The following WDR70 variants were observed in gnomAD, a reference collection of about 807,000 sequenced individuals.
The protein encoded by WDR70 is WD repeat domain 70.
In WDR70, 53 loss-of-function variants were observed where a neutral mutation model predicts 88.6. The observed-to-expected ratio is 0.60, with a 90% confidence interval of 0.48 to 0.75. The LOEUF is 0.75. Among genes scored for constraint, WDR70 ranks in the 30% least tolerant of loss-of-function variants. The pLI, the probability that WDR70 is intolerant of heterozygous loss-of-function variation, is 0.00. For synonymous variants in WDR70, 280 were observed against 270.0 expected, an observed-to-expected ratio of 1.04 and a Z score of -0.36; for missense variants, 610 against 823.2, an observed-to-expected ratio of 0.74 and a Z score of 3.17.
intron 9 of WDR70, among the ~76,000 whole-genome samples, chr5:37,541,666 G>A (rs1205168849): frequency 6.6e-6 from 1 of 152,120 alleles, no homozygotes; most frequent in Non-Finnish European, 1.5e-5. Flanking sequence ...AGGTGGGCAT[G>A]GAGAAAGTGG....
At chr5:37,489,323 TG>T (rs1739991582) in intron 8 of WDR70, among the ~76,000 whole-genome samples, 1 of 152,036 alleles carries the variant, frequency 6.6e-6, no homozygotes, top group South Asian at 2.1e-4. Flanking sequence ...GTTGAGTGGG[TG>T]GGTTGGGCCC....
intron 17 of WDR70, among the ~76,000 whole-genome samples, chr5:37,751,916 A>G (rs182250366): frequency 3.9e-5 from 6 of 152,336 alleles, no homozygotes; most frequent in Admixed American, 6.5e-5. Flanking sequence ...AATGCTTGGC[A>G]TTTCCATGCA....
chr5:37,739,117 A>G (rs899388963), intron 17 of WDR70, among the ~76,000 whole-genome samples: 6 of 152,236 alleles, frequency 3.9e-5, no homozygotes, highest in African/African-American at 1.4e-4. Context: ...GGAAAATGCA[A>G]GGTTCACATC....
At chr5:37,737,487 A>G (rs913852550) in intron 17 of WDR70, among the ~76,000 whole-genome samples, 7 of 152,198 alleles carry the variant, frequency 4.6e-5, no homozygotes, top group African/African-American at 1.7e-4. Flanking sequence ...GGAACACTGG[A>G]CTAAGAATCA....
chr5:37,503,926 C>T (rs1378475109), intron 8 of WDR70, among the ~76,000 whole-genome samples: 1 of 152,050 alleles, frequency 6.6e-6, no homozygotes, highest in African/African-American at 2.4e-5. Flanking sequence ...TCATAGTAAT[C>T]TCAAATGATC....
At chr5:37,512,663 C>T (rs1032170447) in intron 8 of WDR70, among the ~76,000 whole-genome samples, 3 of 151,430 alleles carry the variant, frequency 2.0e-5, no homozygotes, top group African/African-American at 7.3e-5. Flanking sequence ...CTCACTGCAG[C>T]CTCGACCTCT....
At chr5:37,463,103 C>T (rs1012024926) in intron 7 of WDR70, among the ~76,000 whole-genome samples, 1 of 152,048 alleles carries the variant, frequency 6.6e-6, no homozygotes, top group African/African-American at 2.4e-5. Flanking sequence ...GAAACCCCGT[C>T]TCTACTAAAA....
intron 10 of WDR70, among the ~76,000 whole-genome samples, chr5:37,669,524 TG>T (rs1283772672): frequency 6.6e-6 from 1 of 152,130 alleles, no homozygotes; most frequent in Non-Finnish European, 1.5e-5. Context: ...GCTATCCTCC[TG>T]GGCAATGAGT....
chr5:37,417,351 A>G (rs984100972), intron 5 of WDR70, among the ~76,000 whole-genome samples: 1 of 152,006 alleles, frequency 6.6e-6, no homozygotes, highest in South Asian at 2.1e-4. Context: ...CAGTCTCCCT[A>G]GTAGCTGGAA....
intron 8 of WDR70, among the ~76,000 whole-genome samples, chr5:37,500,565 C>T (rs1280996553): frequency 1.3e-5 from 2 of 152,066 alleles, no homozygotes; most frequent in African/African-American, 4.8e-5. Flanking sequence ...TATAAGTGTT[C>T]CCTTTTCACC....
At chr5:37,650,365 C>T (rs944744114) in intron 10 of WDR70, among the ~76,000 whole-genome samples, 13 of 151,882 alleles carry the variant, frequency 8.6e-5, no homozygotes, top group African/African-American at 2.7e-4. Flanking sequence ...CACGCTACTG[C>T]ACTCCAGCCT....
intron 8 of WDR70, among the ~76,000 whole-genome samples, chr5:37,510,331 T>G (rs1373142157): frequency 6.6e-6 from 1 of 152,188 alleles, no homozygotes; most frequent in Non-Finnish European, 1.5e-5. Flanking sequence ...CATATATATA[T>G]GCATATGCAT....
At chr5:37,608,040 T>C (rs1395228875) in intron 10 of WDR70, among the ~76,000 whole-genome samples, 15 of 37,274 alleles carry the variant, frequency 4.0e-4, no homozygotes, top group African/African-American at 1.1e-3. Context: ...GCAACACTCT[T>C]TTTTTTTTTT....
At chr5:37,680,118 G>A (rs1395650114) in intron 10 of WDR70, among the ~76,000 whole-genome samples, 2 of 150,598 alleles carry the variant, frequency 1.3e-5, no homozygotes, top group Admixed American at 1.3e-4. Flanking sequence ...ATCTCATTGT[G>A]GTTTTGATTT....
chr5:37,532,872 C>T (rs1447188156), intron 9 of WDR70, among the ~76,000 whole-genome samples: 1 of 151,926 alleles, frequency 6.6e-6, no homozygotes, highest in East Asian at 1.9e-4. Flanking sequence ...TTTTCTGGTT[C>T]CTTCTCATTT....
chr5:37,535,773 C>T (rs1741647578), intron 9 of WDR70, among the ~76,000 whole-genome samples: 1 of 152,112 alleles, frequency 6.6e-6, no homozygotes, highest in Non-Finnish European at 1.5e-5. Flanking sequence ...TTCTTCACAG[C>T]AGTCGGATAG....
intron 9 of WDR70, among the ~76,000 whole-genome samples, chr5:37,523,151 G>A (rs1456897258): frequency 3.9e-5 from 6 of 152,218 alleles, no homozygotes; most frequent in African/African-American, 1.4e-4. Context: ...CTAGCATGGA[G>A]TTTGAGATCT....
intron 10 of WDR70, among the ~76,000 whole-genome samples, chr5:37,655,218 G>C (rs1301335387): frequency 6.6e-6 from 1 of 152,152 alleles, no homozygotes; most frequent in Non-Finnish European, 1.5e-5. Context: ...TAGTTTGGCT[G>C]GTTATGAAAT....
At chr5:37,456,041 A>G (rs1475934175) in intron 7 of WDR70, among the ~76,000 whole-genome samples, 2 of 33,862 alleles carry the variant, frequency 5.9e-5, no homozygotes, top group East Asian at 0.036. Context: ...GGTATAAGGA[A>G]TAAAGCTTCT....
Sources: gnomAD v4.1 joint callset for allele counts (sites outside exome capture counted in the v4.1 genomes callset) on GRCh38, gnomAD v4.1.1 for gene constraint, MANE v1.5 for transcripts, NCBI Gene and HGNC (gene_info 2026-07-23, HGNC 2026-07-21) for gene names.